KIF1B: variants seen among roughly 807,000 people sequenced by gnomAD.
KIF1B encodes the protein kinesin family member 1B.
Under a neutral mutation model 241.9 loss-of-function variants are expected in KIF1B, and 76 were observed. That is an observed-to-expected ratio of 0.31 (90% CI 0.26 to 0.38). The LOEUF (loss-of-function observed/expected upper bound fraction) is 0.38, where lower values mean the gene tolerates loss of function less well. KIF1B is among the 10% of genes least tolerant of loss of function. The pLI is 1.00. For synonymous variants in KIF1B, 750 were observed against 796.7 expected, an observed-to-expected ratio of 0.94 and a Z score of 0.99; for missense variants, 1,622 against 2,271.4, an observed-to-expected ratio of 0.71 and a Z score of 5.81.
At chr1:10,295,796 C>G in intron 19 of KIF1B, 30 bp downstream of exon 19, 1 of 1,528,584 alleles carries the variant, frequency 6.5e-7, no homozygotes, top group South Asian at 1.1e-5. Context: ...GCTTCAGCAA[C>G]AACATTTTCA....
At chr1:10,217,825 C>T (rs572954171) in intron 1 of KIF1B, among the ~76,000 whole-genome samples, 2 of 152,026 alleles carry the variant, frequency 1.3e-5, no homozygotes, top group East Asian at 3.9e-4. Context: ...ATTACATTCT[C>T]GATTCTCTAT....
intron 7 of KIF1B, among the ~76,000 whole-genome samples, chr1:10,268,625 C>CTT (rs5772405): frequency 9.3e-4 from 121 of 130,044 alleles, no homozygotes; most frequent in African/African-American, 3.1e-3. Context: ...TATGTGTATT[C>CTT]TTTTTTTTTT....
rs2102363828 is a variant in KIF1B, at chr1:10,375,255, A to T, written c.5290A>T (p.Thr1764Ser). 2 of 1,613,428 alleles carry T rather than the reference A, an allele frequency of 1.2e-6. No homozygotes were observed. Among genetic ancestry groups the T allele is most frequent in the East Asian group, 2.2e-5 (1 of 44,882 alleles). The change falls in exon 48 of 49, where the codon ACA becomes TCA. Residue 1764 changes from threonine (T) to serine (S), a missense_variant and splice_region_variant. Physicochemically the swap from Thr to Ser is moderately conservative, Grantham distance 58. Transcript: ENST00000676179. ...YSEDQQAMVK[T>S]PNTFAVCTKH... ...TTGTCTACCTGCATTTTTCTTTCAG[A>T]CACCAAACACCTTTGCTGTCTGCAC... is the stretch of plus-strand genomic sequence containing the variant.
At chr1:10,302,331 T>G (rs1650581843) in intron 22 of KIF1B, among the ~76,000 whole-genome samples, 1 of 152,152 alleles carries the variant, frequency 6.6e-6, no homozygotes, top group South Asian at 2.1e-4. Context: ...TTTCTTGTTA[T>G]CCAGATAACA....
At position 10,324,046 on chromosome 1, in the gene KIF1B, T is replaced by C; in HGVS notation, c.2521T>C (p.Ser841Pro). ...DLKNGATHYW[S>P]LEKLKQRLDL... ...GAAGAATGGAGCAACACACTATTGGTCTTTGGAGAAACTCAAGTATGAAAA... is the reference window on the plus strand; with the variant it reads ...GAAGAATGGAGCAACACACTATTGGCCTTTGGAGAAACTCAAGTATGAAAA... The change falls in exon 25 of 49, where the codon TCT becomes CCT. Residue 841 changes from serine to proline, a missense_variant. Ser to Pro is a moderately conservative substitution (Grantham distance 74). This residue lies in a region of KIF1B where 803 missense variants were observed against 1,112.0 expected (regional missense o/e 0.72). Transcript: ENST00000676179. 1 of 1,614,134 alleles carries C rather than the reference T, an allele frequency of 6.2e-7. No individual in the cohort carries two copies. The highest frequency in any genetic ancestry group is 8.5e-7 in the Non-Finnish European group (1 of 1,180,002).
At chr1:10,238,718 C>T (rs1365250996) in intron 2 of KIF1B, among the ~76,000 whole-genome samples, 2 of 151,582 alleles carry the variant, frequency 1.3e-5, no homozygotes, top group Non-Finnish European at 2.9e-5. Context: ...ACAACAACAA[C>T]AACAACAACA....
chr1:10,375,508 C>T, intron 48 of KIF1B, 135 bp downstream of exon 48: 1 of 749,568 alleles, frequency 1.3e-6, no homozygotes. Flanking sequence ...CTCAGCCTCC[C>T]CAGTAGCTGA....
chr1:10,305,773 A>G (rs1650798755), intron 22 of KIF1B: 1 of 1,055,836 alleles, frequency 9.5e-7, no homozygotes, highest in Non-Finnish European at 1.1e-6. Context: ...CTCACTGGAG[A>G]ATCCACTAAG....
intron 1 of KIF1B, among the ~76,000 whole-genome samples, chr1:10,224,393 A>G (rs1422612857): frequency 2.6e-5 from 4 of 151,676 alleles, no homozygotes; most frequent in East Asian, 3.9e-4. Flanking sequence ...TGGGATTACA[A>G]GCGTGAGCTG....
At chr1:10,305,357 GTGTC>G (rs1650777916) in intron 22 of KIF1B, 1 of 1,050,898 alleles carries the variant, frequency 9.5e-7, no homozygotes, top group Admixed American at 5.5e-5. Flanking sequence ...AATTGGCACT[GTGTC>G]TGGGATTCTG....
chr1:10,363,773 T>C (rs764385363), intron 41 of KIF1B, among the ~76,000 whole-genome samples: 31 of 152,264 alleles, frequency 2.0e-4, no homozygotes, highest in Non-Finnish European at 4.1e-4. Flanking sequence ...AAACTGCTCT[T>C]GTTCCTCTAG....
chr1:10,218,141 G>T (rs906715024), intron 1 of KIF1B, among the ~76,000 whole-genome samples: 2 of 152,052 alleles, frequency 1.3e-5, no homozygotes, highest in Admixed American at 1.3e-4. Flanking sequence ...CATGGATACT[G>T]GCATTTCCCA....
rs144315383 is a variant in KIF1B at position 10,326,752 on chromosome 1, A to T, written c.2924+393A>T. Reference sequence around the variant, plus strand: ...TTTAAAGGATTGTGATTGAAAAAGCATATGGAGGTAACATGAGAGAGGGGG... The same window carrying T: ...TTTAAAGGATTGTGATTGAAAAAGCTTATGGAGGTAACATGAGAGAGGGGG... On this transcript the variant is annotated intron_variant, in intron 27 of 48. Coordinates refer to ENST00000676179, the MANE Select transcript of KIF1B (RefSeq NM_001365951.3). This position sits in a 1 kb window ranked among gnomAD's most constrained non-coding sequence, Gnocchi z 5.2. Among the ~76,000 whole-genome samples the T allele has an allele frequency of 1.9e-3, 283 of 152,346 alleles. 1 individual carries two copies. Among genetic ancestry groups the T allele is most frequent in the African/African-American group, 6.4e-3 (265 of 41,578 alleles).
chr1:10,224,406 G>A (rs114960404), intron 1 of KIF1B, among the ~76,000 whole-genome samples: 52 of 152,046 alleles, frequency 3.4e-4, no homozygotes, highest in African/African-American at 1.2e-3. Context: ...GTGAGCTGCC[G>A]TGCCCAGCCT....
At chr1:10,249,171 A>G (rs968905046) in intron 2 of KIF1B, among the ~76,000 whole-genome samples, 4 of 152,162 alleles carry the variant, frequency 2.6e-5, no homozygotes, top group Non-Finnish European at 5.9e-5. Context: ...AATATGGTTT[A>G]TATGTTGAAT....
chr1:10,373,509 A>C (rs1031301260), intron 45 of KIF1B, among the ~76,000 whole-genome samples: 2 of 151,976 alleles, frequency 1.3e-5, no homozygotes, highest in African/African-American at 4.8e-5. Context: ...TGCTGGGATT[A>C]CAGGTGTGAG....
At chr1:10,295,857 G>A (rs538447751) in intron 19 of KIF1B, 91 bp downstream of exon 19, 2 of 1,103,924 alleles carry the variant, frequency 1.8e-6, no homozygotes, top group African/African-American at 3.1e-5. Flanking sequence ...TCTATCAGTA[G>A]TACTTTCTTA....
intron 15 of KIF1B, among the ~76,000 whole-genome samples, chr1:10,288,104 A>G (rs1649802032): frequency 6.6e-6 from 1 of 152,154 alleles, no homozygotes; most frequent in African/African-American, 2.4e-5. Flanking sequence ...TTAAAATCAT[A>G]TGCAGGGTGG....
chr1:10,323,872 C>A lies in KIF1B; in HGVS notation c.2359-12C>A, dbSNP rs772462130. The A allele has an allele frequency of 1.9e-6, 3 of 1,611,788 alleles. No individual in the cohort carries two copies. The highest frequency in any genetic ancestry group is 1.7e-5 in the Admixed American group (1 of 59,980). ...GAAAACCATTTGTCAATGGTTTATT[C>A]TTTCTATTCAGGTGCAGTTTCAGTT... On this transcript the variant is annotated splice_polypyrimidine_tract_variant and intron_variant, in intron 24 of 48. Coordinates refer to ENST00000676179, the MANE Select transcript of KIF1B (RefSeq NM_001365951.3).
Sources: gnomAD v4.1 joint callset for allele counts (sites outside exome capture counted in the v4.1 genomes callset) on GRCh38, gnomAD v4.1.1 for gene constraint, gnomAD v4.1.1 regional missense constraint, Gnocchi (gnomAD v3.1) non-coding constraint, MANE v1.5 for transcripts, NCBI Gene and HGNC (gene_info 2026-07-23, HGNC 2026-07-21) for gene names.